PEX5L: variants seen among roughly 807,000 people sequenced by gnomAD.
The protein encoded by PEX5L is peroxisomal biogenesis factor 5 like.
A neutral mutation model predicts 84.0 loss-of-function variants in PEX5L; 30 were observed. The ratio of observed to expected loss-of-function variants is 0.36; its 90% CI spans 0.27 to 0.48. The LOEUF (loss-of-function observed/expected upper bound fraction) is 0.48, where lower values mean the gene tolerates loss of function less well. Ranked by LOEUF, PEX5L falls within the 20% of genes least tolerant of loss-of-function variation. The probability of loss-of-function intolerance (pLI) is 0.99; values close to 1 mark genes in which losing one functional copy is unlikely to be tolerated. For missense variants in PEX5L, 533 were observed against 754.6 expected (o/e 0.71, Z 3.44); for synonymous variants, 270 against 283.1 (o/e 0.95, Z 0.46).
intron 7 of PEX5L, among the ~76,000 whole-genome samples, chr3:179,863,640 C>T (rs1195254618): frequency 6.6e-6 from 1 of 152,124 alleles, no homozygotes; most frequent in African/African-American, 2.4e-5. Flanking sequence ...GATACCACCT[C>T]ACACCTATTA....
chr3:179,973,389 T>G (rs1785251653), intron 1 of PEX5L: 1 of 1,111,848 alleles, frequency 9.0e-7, no homozygotes, highest in Non-Finnish European at 1.1e-6. Flanking sequence ...CTTGACTTTG[T>G]AAACATTGTG....
At chr3:179,886,977 T>C (rs966180579) in intron 4 of PEX5L, among the ~76,000 whole-genome samples, 2 of 152,228 alleles carry the variant, frequency 1.3e-5, no homozygotes, top group Non-Finnish European at 2.9e-5. Context: ...TGAATGTGAA[T>C]GCTGACCAAA....
intron 11 of PEX5L, 52 bp from the exon 12 acceptor site, chr3:179,809,720 ACAGTTCTT>A (rs1336466837): frequency 7.3e-7 from 1 of 1,371,462 alleles, no homozygotes; most frequent in East Asian, 2.3e-5. Flanking sequence ...CCACAATCTA[ACAGTTCTT>A]CAGAAAATGT....
chr3:180,018,712 GA>G (rs1158540125), intron 1 of PEX5L, among the ~76,000 whole-genome samples: 4 of 152,156 alleles, frequency 2.6e-5, no homozygotes, highest in Non-Finnish European at 5.9e-5. Flanking sequence ...CGAATTTGCA[GA>G]AAGCTTGAGG....
intron 2 of PEX5L, among the ~76,000 whole-genome samples, chr3:179,950,853 G>C (rs939908775): frequency 6.6e-6 from 1 of 152,196 alleles, no homozygotes; most frequent in African/African-American, 2.4e-5. Context: ...AAGGCTGAGA[G>C]GAAATTGGTA....
At chr3:179,936,492 G>A (rs993935435) in intron 2 of PEX5L, among the ~76,000 whole-genome samples, 1 of 152,140 alleles carries the variant, frequency 6.6e-6, no homozygotes, top group Non-Finnish European at 1.5e-5. Context: ...TTCATCAAAA[G>A]GAGCTGCTTT....
chr3:179,978,808 C>T (rs1002461378), intron 1 of PEX5L, among the ~76,000 whole-genome samples: 7 of 152,258 alleles, frequency 4.6e-5, no homozygotes, highest in African/African-American at 7.2e-5. Context: ...TTAGGAGGAA[C>T]GATTTCTGAT....
At chr3:179,819,763 C>T (rs1298680912) in intron 9 of PEX5L, 97 bp downstream of exon 9, 2 of 1,005,556 alleles carry the variant, frequency 2.0e-6, no homozygotes, top group East Asian at 2.4e-5. Context: ...TTTTTAATTA[C>T]TGTGTTTTTG....
intron 8 of PEX5L, among the ~76,000 whole-genome samples, chr3:179,827,129 C>G (rs1364195150): frequency 6.6e-6 from 1 of 152,146 alleles, no homozygotes; most frequent in African/African-American, 2.4e-5. Context: ...TTTCTGGCTC[C>G]CATCTCTCCA....
chr3:179,967,542 C>G (rs1018537792), intron 2 of PEX5L, among the ~76,000 whole-genome samples: 3 of 152,066 alleles, frequency 2.0e-5, no homozygotes, highest in African/African-American at 7.2e-5. Flanking sequence ...TAGAGAGGTT[C>G]AAGATTACCA....
chr3:180,018,459 T>C (rs1362728312), intron 1 of PEX5L, among the ~76,000 whole-genome samples: 1 of 152,226 alleles, frequency 6.6e-6, no homozygotes, highest in Admixed American at 6.5e-5. Flanking sequence ...GTTGGTGATA[T>C]GGCCAGTCCT....
intron 2 of PEX5L, among the ~76,000 whole-genome samples, chr3:179,903,985 T>C (rs1164750134): frequency 6.6e-6 from 1 of 152,246 alleles, no homozygotes; most frequent in Non-Finnish European, 1.5e-5. Flanking sequence ...TTGCTTGTCT[T>C]AAATAGAGAT....
At chr3:179,921,396 T>C (rs950510000) in intron 2 of PEX5L, among the ~76,000 whole-genome samples, 1 of 152,180 alleles carries the variant, frequency 6.6e-6, no homozygotes, top group Non-Finnish European at 1.5e-5. Context: ...GGCTTTTCCT[T>C]AAAGAATCAG....
At chr3:180,035,863 C>G (rs1791860366) in intron 1 of PEX5L, among the ~76,000 whole-genome samples, 1 of 152,146 alleles carries the variant, frequency 6.6e-6, no homozygotes, top group African/African-American at 2.4e-5. Context: ...AAGAACCAAC[C>G]AACCGTATGA....
chr3:179,984,778 G>GA (rs1786653179), intron 1 of PEX5L, among the ~76,000 whole-genome samples: 1 of 152,086 alleles, frequency 6.6e-6, no homozygotes. Context: ...CTGTTGCTTA[G>GA]TATATATCTG....
At chr3:179,841,519 C>A (rs982163730) in intron 8 of PEX5L, among the ~76,000 whole-genome samples, 25 of 152,106 alleles carry the variant, frequency 1.6e-4, no homozygotes, top group Admixed American at 1.6e-3. Context: ...TATTTTCTAC[C>A]AGATTCTGAG....
At chr3:179,847,081 G>GTATATATATATA (rs80254022) in intron 8 of PEX5L, among the ~76,000 whole-genome samples, 3 of 105,554 alleles carry the variant, frequency 2.8e-5, no homozygotes, top group African/African-American at 3.0e-5. Flanking sequence ...GTGTGTGTGT[G>GTATATATATATA]TATATATATA....
intron 1 of PEX5L, among the ~76,000 whole-genome samples, chr3:180,016,523 C>T (rs569783264): frequency 1.1e-4 from 16 of 152,264 alleles, no homozygotes; most frequent in African/African-American, 3.1e-4. Flanking sequence ...TCAATTATCA[C>T]GCAGGAATGA....
intron 2 of PEX5L, among the ~76,000 whole-genome samples, chr3:179,963,357 A>AT (rs1782541084): frequency 6.6e-6 from 1 of 152,136 alleles, no homozygotes; most frequent in Non-Finnish European, 1.5e-5. Flanking sequence ...TCAAATGGGG[A>AT]TTTTTTACAT....
Sources: allele counts gnomAD v4.1 joint callset (sites outside exome capture counted in the v4.1 genomes callset), GRCh38; gene constraint gnomAD v4.1.1; transcripts MANE v1.5; gene names NCBI Gene and HGNC (gene_info 2026-07-23, HGNC 2026-07-21).